The following HMSD variants were observed in gnomAD, a reference collection of about 807,000 sequenced individuals.
The protein encoded by HMSD is histocompatibility minor serpin domain containing.
Under a neutral mutation model 10.0 loss-of-function variants are expected in HMSD, and 13 were observed. The observed-to-expected ratio is 1.31, with a 90% CI of 0.85 to 2.08. The LOEUF is 2.08. Ranked by LOEUF, HMSD falls within the 30% of genes most tolerant of loss-of-function variation. The pLI, the probability that HMSD is intolerant of heterozygous loss-of-function variation, is 0.00. For synonymous variants in HMSD, 51 were observed against 54.2 expected, an observed-to-expected ratio of 0.94 and a Z score of 0.26; for missense variants, 169 against 166.3, an observed-to-expected ratio of 1.02 and a Z score of -0.09.
At chr18:63,951,317 C>T (rs2050329238) in intron 1 of HMSD, among the ~76,000 whole-genome samples, 1 of 151,918 alleles carries the variant, frequency 6.6e-6, no homozygotes, top group Non-Finnish European at 1.5e-5. Context: ...ATTTGTTTAC[C>T]AAATTAACAA....
At chr18:63,964,909 CT>C (rs200905899), downstream of HMSD, among the ~76,000 whole-genome samples, 4 of 151,642 alleles carry the variant, frequency 2.6e-5, no homozygotes, top group South Asian at 2.1e-4. Context: ...GTCCTTAGTT[CT>C]TTTTTTTTCC....
intron 3 of HMSD, chr18:63,967,993 A>G (rs935608483): frequency 8.5e-5 from 13 of 152,238 alleles, no homozygotes; most frequent in African/African-American, 2.9e-4. Context: ...TTACCTAGGA[A>G]AACAGACCAG....
intron 2 of HMSD, among the ~76,000 whole-genome samples, 186 bp from the exon 3 acceptor site, chr18:63,954,222 T>C (rs2144757716): frequency 6.6e-6 from 1 of 152,342 alleles, no homozygotes; most frequent in Middle Eastern, 3.4e-3. Flanking sequence ...TAGGGAGGCC[T>C]GAGAAGAGGC....
chr18:63,953,278 TAATA>T (rs1270059232), intron 1 of HMSD, 72 bp from the exon 2 acceptor site: 2 of 553,176 alleles, frequency 3.6e-6, no homozygotes, highest in Non-Finnish European at 6.5e-6. Flanking sequence ...ATTTAACTAG[TAATA>T]AATAGAGTGA....
In HMSD at chr18:63,960,195, C is replaced by G; in HGVS notation, c.260C>G (p.Thr87Arg). ...TDSCGKFYQA[T>R]IKQLDFVNDT... ...TCCTGTGGCAAATTCTACCAAGCAACGATAAAACAGCTAGACTTTGTGAAT... is the reference window on the plus strand; with the variant it reads ...TCCTGTGGCAAATTCTACCAAGCAAGGATAAAACAGCTAGACTTTGTGAAT... Residue 87 changes from threonine to arginine, a missense_variant, in exon 4 of 4, where the codon ACG becomes AGG. Physicochemically the swap from Thr to Arg is moderately conservative, Grantham distance 71. Transcript: ENST00000408945. 6.2e-7 allele frequency: 1 copy of G among 1,612,560 alleles called. No individual in the cohort carries two copies. Among genetic ancestry groups the G allele is most frequent in the East Asian group, 2.2e-5 (1 of 44,812 alleles).
intron 3 of HMSD, among the ~76,000 whole-genome samples, chr18:63,957,115 A>G (rs1396923411): frequency 2.0e-5 from 3 of 152,280 alleles, no homozygotes; most frequent in Middle Eastern, 3.4e-3. Context: ...ACAACTACCT[A>G]TCGGGTACTA....
chr18:63,954,603 G>A (rs1262850761), intron 3 of HMSD, 46 bp downstream of exon 3: 1 of 1,543,360 alleles, frequency 6.5e-7, no homozygotes, highest in Admixed American at 1.7e-5. Flanking sequence ...GCAATGTGGT[G>A]GGAAGTAGGA....
At chr18:63,957,650 C>T (rs1356987027) in intron 3 of HMSD, among the ~76,000 whole-genome samples, 1 of 152,134 alleles carries the variant, frequency 6.6e-6, no homozygotes, top group Admixed American at 6.5e-5. Context: ...AGTCTTAGCA[C>T]TATTTAGTTT....
At chr18:63,951,154 A>G (rs2050328442) in intron 1 of HMSD, among the ~76,000 whole-genome samples, 1 of 152,258 alleles carries the variant, frequency 6.6e-6, no homozygotes, top group African/African-American at 2.4e-5. Flanking sequence ...AAATGCTTAT[A>G]TTAATGATAT....
chr18:63,963,272 C>G (rs1568261531), downstream of HMSD, among the ~76,000 whole-genome samples: 1 of 145,404 alleles, frequency 6.9e-6, no homozygotes, highest in Non-Finnish European at 1.5e-5. Context: ...TCTTTCCTTG[C>G]TTCCTTCCTT....
downstream of HMSD, among the ~76,000 whole-genome samples, chr18:63,965,104 C>T (rs73482170): frequency 0.016 from 2,380 of 152,286 alleles, 64 homozygotes; most frequent in African/African-American, 0.055. Flanking sequence ...GCATCTCTCC[C>T]ACTATTATGA....
chr18:63,957,498 G>A (rs1159495385), intron 3 of HMSD, among the ~76,000 whole-genome samples: 1 of 152,042 alleles, frequency 6.6e-6, no homozygotes, highest in Non-Finnish European at 1.5e-5. Flanking sequence ...ACTGTGATAT[G>A]TATTTTTTCA....
At position 63,960,181 on chromosome 18, in the gene HMSD, A is replaced by G. The variant is rs773298780; in HGVS notation, c.246A>G (p.Lys82=). 3.1e-6 allele frequency: 5 copies of G among 1,611,946 alleles called. No individual in the cohort carries two copies. Among genetic ancestry groups the G allele is most frequent in the Non-Finnish European group, 4.2e-6 (5 of 1,179,490 alleles). ...AGGGTTTTACAGATTCCTGTGGCAA[A>G]TTCTACCAAGCAACGATAAAACAGC... The part of the protein sequence containing the change: ...FLTGFTDSCG[K]FYQATIKQLD... The change falls in exon 4 of 4, where the codon AAA becomes AAG. Residue 82 remains lysine (K), a synonymous_variant. Transcript: ENST00000408945.
At chr18:63,952,599 T>C (rs2050336984) in intron 1 of HMSD, among the ~76,000 whole-genome samples, 1 of 152,228 alleles carries the variant, frequency 6.6e-6, no homozygotes, top group Non-Finnish European at 1.5e-5. Flanking sequence ...AATCATGGAT[T>C]TGACAGAATC....
downstream of HMSD, among the ~76,000 whole-genome samples, chr18:63,963,648 C>CACT: frequency 6.6e-6 from 1 of 152,290 alleles, no homozygotes; most frequent in African/African-American, 2.4e-5. Context: ...GAGACAGATT[C>CACT]AGTAGTTATC....
At chr18:63,954,039 G>A (rs978887369) in intron 2 of HMSD, among the ~76,000 whole-genome samples, 2 of 152,188 alleles carry the variant, frequency 1.3e-5, no homozygotes, top group Non-Finnish European at 2.9e-5. Context: ...CCATCTTTTA[G>A]TGTCAGGAGC....
At chr18:63,953,710 G>A (rs1426066050) in intron 2 of HMSD, among the ~76,000 whole-genome samples, 183 bp downstream of exon 2, 1 of 152,202 alleles carries the variant, frequency 6.6e-6, no homozygotes, top group East Asian at 1.9e-4. Flanking sequence ...TTGGTGACCT[G>A]GGGTCACTCA....
Position 63,954,474 on chromosome 18 carries a change from G to T in HMSD, c.139G>T (p.Val47Phe), listed in dbSNP as rs753674390. 6 of 1,613,226 alleles carry T rather than the reference G, an allele frequency of 3.7e-6. No individual in the cohort carries two copies. The highest frequency in any genetic ancestry group is 4.2e-6 in the Non-Finnish European group (5 of 1,179,306). The change falls in exon 3 of 4, where the codon GTT becomes TTT. Residue 47 changes from valine (V) to phenylalanine (F), a missense_variant. Physicochemically the swap from Val to Phe is conservative, Grantham distance 50 (BLOSUM62 -1). Transcript: ENST00000408945. ...DIHRGFQSLL[V>F]AINRTDTEYV... ...TCATCGAGGTTTTCAGTCACTTCTT[G>T]TTGCAATTAACAGAACTGACACTGA...
At chr18:63,964,021 A>C (rs1599114460), downstream of HMSD, among the ~76,000 whole-genome samples, 1 of 152,248 alleles carries the variant, frequency 6.6e-6, no homozygotes, top group East Asian at 1.9e-4. Flanking sequence ...CTATATCCCT[A>C]CCAGGCATTT....
Sources: allele counts gnomAD v4.1 joint callset (sites outside exome capture counted in the v4.1 genomes callset), GRCh38; gene constraint gnomAD v4.1.1; transcripts MANE v1.5; gene names NCBI Gene and HGNC (gene_info 2026-07-23, HGNC 2026-07-21).